Variants in RAB37 observed in about 807,000 individuals in gnomAD.
RAB37 encodes the protein ras-related protein Rab-37.
A neutral mutation model predicts 33.1 loss-of-function variants in RAB37; 29 were observed. The observed-to-expected ratio is 0.88, with a 90% CI of 0.65 to 1.20. The LOEUF is 1.20. Among genes scored for constraint, RAB37 ranks in the 50% most tolerant of loss-of-function variants. The pLI is 0.00. For missense variants in RAB37, 299 were observed against 301.1 expected (o/e 0.99, Z 0.05); for synonymous variants, 128 against 119.5 (o/e 1.07, Z -0.47).
intron 1 of RAB37, among the ~76,000 whole-genome samples, chr17:74,718,460 T>C (rs1400983079): frequency 6.6e-6 from 1 of 152,186 alleles, no homozygotes; most frequent in Non-Finnish European, 1.5e-5. Context: ...AGAGCACCTG[T>C]CATCTTTGCT....
Position 74,744,579 on chromosome 17 carries a change from G to C in RAB37, c.432+206G>C. On this transcript the variant is annotated intron_variant, in intron 6 of 8. Coordinates refer to ENST00000392613, the MANE Select transcript of RAB37 (RefSeq NM_001006638.3). The surrounding 1 kb of genome is among the most constrained non-coding windows in gnomAD (Gnocchi z 4.2). ...TCCAAGTTGTTGCCTGAGAAATCAAGGGGTGCCCAGTTCTCAGCCCCCATT... is the reference window on the plus strand; with the variant it reads ...TCCAAGTTGTTGCCTGAGAAATCAACGGGTGCCCAGTTCTCAGCCCCCATT... The C allele has an allele frequency of 1.6e-6, 1 of 634,360 alleles. No homozygotes were observed. Among genetic ancestry groups the C allele is most frequent in the Non-Finnish European group, 2.8e-6 (1 of 360,534 alleles). 39.3% of individuals were successfully genotyped at this position (634,360 alleles called of 1,614,324 possible). A position where few individuals can be genotyped will look rare whatever the true frequency, so the allele number is the denominator to read the frequency against.
chr17:74,685,686 A>C (rs773869542), intron 1 of RAB37, among the ~76,000 whole-genome samples: 2 of 152,154 alleles, frequency 1.3e-5, no homozygotes, highest in Non-Finnish European at 2.9e-5. Context: ...TAGATTCCCA[A>C]GGTCCTTAGG....
chr17:74,744,859 T>C lies in RAB37; in HGVS notation c.433-14T>C, dbSNP rs371190102. On this transcript the variant is annotated splice_polypyrimidine_tract_variant and intron_variant, in intron 6 of 8. Transcript: ENST00000392613. The surrounding 1 kb of genome is among the most constrained non-coding windows in gnomAD (Gnocchi z 4.2). ...AGGCCTCCTTCCCCAGAGTGACCCA[T>C]TTGGGCTTGACAGGCGGATATGAGC... is the stretch of plus-strand genomic sequence containing the variant. 1 of 1,614,036 alleles carries C rather than the reference T, an allele frequency of 6.2e-7. No homozygotes were observed. Among genetic ancestry groups the C allele is most frequent in the African/African-American group, 1.3e-5 (1 of 75,070 alleles).
chr17:74,708,863 C>A (rs1422337856), intron 1 of RAB37, among the ~76,000 whole-genome samples: 1 of 150,778 alleles, frequency 6.6e-6, no homozygotes, highest in African/African-American at 2.4e-5. Context: ...TTGCAGTGAG[C>A]CGAGATCGCG....
chr17:74,701,509 G>T (rs576885872), intron 1 of RAB37, among the ~76,000 whole-genome samples: 27 of 152,266 alleles, frequency 1.8e-4, no homozygotes, highest in African/African-American at 6.5e-4. Flanking sequence ...AAAGCAGTTT[G>T]GTAGAAAATA....
intron 1 of RAB37, among the ~76,000 whole-genome samples, chr17:74,708,112 C>T (rs1188195312): frequency 6.8e-6 from 1 of 146,476 alleles, no homozygotes; most frequent in African/African-American, 2.5e-5. Flanking sequence ...CACATCACTG[C>T]ACTCCAGGCT....
At chr17:74,708,147 C>CAAAAAA (rs373733638) in intron 1 of RAB37, among the ~76,000 whole-genome samples, 1 of 81,298 alleles carries the variant, frequency 1.2e-5, no homozygotes, top group South Asian at 4.5e-4. Context: ...GACTCCATCT[C>CAAAAAA]AAAAAAAAAA....
chr17:74,692,669 G>A (rs1001656929), intron 1 of RAB37, among the ~76,000 whole-genome samples: 1 of 151,922 alleles, frequency 6.6e-6, no homozygotes, highest in Non-Finnish European at 1.5e-5. Context: ...AATCAACCTA[G>A]ATGAAGTGAT....
At chr17:74,712,251 G>A (rs185715257) in intron 1 of RAB37, among the ~76,000 whole-genome samples, 2 of 152,192 alleles carry the variant, frequency 1.3e-5, no homozygotes, top group East Asian at 1.9e-4. Flanking sequence ...GGTGTCTCCT[G>A]CCCTCTGGCT....
Position 74,745,526 on chromosome 17 carries a change from GCAC to G in RAB37, c.*116_*118del. ...TGGGGAGAAAGATGGAGGACTCACTGCACAGCCGCTTCCTAGCAGGGAGCTATA... is the reference window on the plus strand; with the variant it reads ...TGGGGAGAAAGATGGAGGACTCACTGAGCCGCTTCCTAGCAGGGAGCTATA... On this transcript the variant is annotated 3_prime_UTR_variant, in exon 9 of 9. Coordinates refer to ENST00000392613, the MANE Select transcript of RAB37 (RefSeq NM_001006638.3). The surrounding 1 kb of genome is among the most constrained non-coding windows in gnomAD (Gnocchi z 4.5). 1 of 791,118 alleles carries G rather than the reference GCAC, an allele frequency of 1.3e-6. No individual in the cohort carries two copies. Among genetic ancestry groups the G allele is most frequent in the Non-Finnish European group, 2.1e-6 (1 of 473,568 alleles). 49.0% of individuals were successfully genotyped at this position (791,118 alleles called of 1,614,324 possible).
rs1344824173 is a variant in RAB37 at position 74,744,114 on chromosome 17, G to T, written c.367-194G>T. Among the ~76,000 whole-genome samples the T allele has an allele frequency of 9.2e-5, 14 of 152,134 alleles. No individual in the cohort carries two copies. Among genetic ancestry groups the T allele is most frequent in the Admixed American group, 6.5e-4 (10 of 15,274 alleles). ...TAGTTGCACAGCATAAAATGGTGAG[G>T]GTGGGGCCATTGTGGGTTGAGCCAC... On this transcript the variant is annotated intron_variant, in intron 5 of 8. Coordinates refer to ENST00000392613, the MANE Select transcript of RAB37 (RefSeq NM_001006638.3). This position sits in a 1 kb window ranked among gnomAD's most constrained non-coding sequence, Gnocchi z 4.2.
chr17:74,728,548 G>A (rs914266134), intron 1 of RAB37, among the ~76,000 whole-genome samples: 2 of 151,796 alleles, frequency 1.3e-5, no homozygotes, highest in Admixed American at 1.3e-4. Context: ...GTGTTTGTGT[G>A]TGTGCCTATG....
Position 74,729,265 on chromosome 17 carries a change from G to C in RAB37, c.82G>C (p.Val28Leu). The change falls in exon 2 of 8, where the codon GTG becomes CTG. Residue 28 changes from valine (V) to leucine (L), a missense_variant. Transcript: ENST00000340415. This position sits in a 1 kb window ranked among gnomAD's most constrained non-coding sequence, Gnocchi z 4.2. The stretch of plus-strand genomic sequence containing the variant: ...TATTGTTCCCTTCCAGACCATCCTG[G>C]TGGGTGACAGTGGTGTGGGAAAGAC... 6.2e-7 allele frequency: 1 copy of C among 1,613,648 alleles called. No homozygotes were observed. The highest frequency in any genetic ancestry group is 8.5e-7 in the Non-Finnish European group (1 of 1,179,640).
chr17:74,704,449 G>A (rs1200308122), intron 1 of RAB37: 2 of 1,498,500 alleles, frequency 1.3e-6, no homozygotes, highest in African/African-American at 1.4e-5. Context: ...GGCCCTGAGA[G>A]ACACACACAT....
intron 1 of RAB37, among the ~76,000 whole-genome samples, chr17:74,673,257 G>T (rs35577836): frequency 0.12 from 18,902 of 151,452 alleles, 1,333 homozygotes; most frequent in African/African-American, 0.18. Flanking sequence ...ACAAAAATTC[G>T]CTGGGCATGG....
intron 1 of RAB37, among the ~76,000 whole-genome samples, chr17:74,718,396 C>G (rs1490698207): frequency 2.0e-5 from 3 of 151,654 alleles, no homozygotes; most frequent in African/African-American, 7.3e-5. Context: ...TTATAGCAGC[C>G]GGGACTAAGA....
rs917234928 is a variant in RAB37, at chr17:74,742,468, G to A, written c.246+173G>A. Among the ~76,000 whole-genome samples the A allele has an allele frequency of 2.6e-5, 4 of 152,102 alleles. No individual in the cohort carries two copies. The highest frequency in any genetic ancestry group is 6.5e-5 in the Admixed American group (1 of 15,276). ...CATCTGCAGAAAAAGCAGTTCCCAG[G>A]CACCCTCTCATCTATGAACAGCAGC... On this transcript the variant is annotated intron_variant, in intron 3 of 8. Coordinates refer to ENST00000392613, the MANE Select transcript of RAB37 (RefSeq NM_001006638.3). The surrounding 1 kb of genome is among the most constrained non-coding windows in gnomAD (Gnocchi z 4.0).
At chr17:74,726,497 A>G (rs1184081102) in intron 1 of RAB37, among the ~76,000 whole-genome samples, 1 of 152,244 alleles carries the variant, frequency 6.6e-6, no homozygotes, top group Non-Finnish European at 1.5e-5. Context: ...ACGTGGATGG[A>G]CTACCCCTCA....
chr17:74,683,166 G>C (rs1478185870), intron 1 of RAB37, among the ~76,000 whole-genome samples: 2 of 152,176 alleles, frequency 1.3e-5, no homozygotes, highest in East Asian at 3.8e-4. Context: ...ACTGGACTTG[G>C]GAAACAAACT....
Sources: gnomAD v4.1 joint callset for allele counts (sites outside exome capture counted in the v4.1 genomes callset) on GRCh38, gnomAD v4.1.1 for gene constraint, Gnocchi (gnomAD v3.1) non-coding constraint, MANE v1.5 for transcripts, NCBI Gene and HGNC (gene_info 2026-07-23, HGNC 2026-07-21) for gene names.